The following ATR variants were observed in gnomAD, a reference collection of about 807,000 sequenced individuals.
ATR encodes the protein serine/threonine-protein kinase ATR.
In ATR, 142 loss-of-function variants were observed where a neutral mutation model predicts 305.3. That is an observed-to-expected ratio of 0.47 (90% CI 0.41 to 0.53). The LOEUF (loss-of-function observed/expected upper bound fraction) is 0.53. Ranked by LOEUF, ATR falls within the 20% of genes least tolerant of loss-of-function variation. The pLI is 0.00. For synonymous variants in ATR, 1,050 were observed against 1,068.1 expected (o/e 0.98, Z 0.33); for missense variants, 2,135 against 3,133.1 (o/e 0.68, Z 7.60).
intron 17 of ATR, among the ~76,000 whole-genome samples, chr3:142,542,219 T>C (rs561284933): frequency 3.2e-3 from 481 of 152,276 alleles, no homozygotes; most frequent in South Asian, 6.6e-3. Context: ...CAACTTTTGT[T>C]TGAGCTTTCA....
intron 46 of ATR, 78 bp downstream of exon 46, chr3:142,453,050 T>C: frequency 6.3e-7 from 1 of 1,597,798 alleles, no homozygotes; most frequent in Admixed American, 1.7e-5. Context: ...TGCATAGAGA[T>C]GAGAACTATA....
At chr3:142,482,190 T>C (rs1253621133) in intron 36 of ATR, among the ~76,000 whole-genome samples, 2 of 152,092 alleles carry the variant, frequency 1.3e-5, no homozygotes, top group Non-Finnish European at 2.9e-5. Flanking sequence ...GTACTTAAGG[T>C]TTCTAACCCT....
At chr3:142,469,591 A>G in intron 37 of ATR, 22 bp from the exon 38 acceptor site, 1 of 1,576,132 alleles carries the variant, frequency 6.3e-7, no homozygotes, top group African/African-American at 1.3e-5. Context: ...AATAAGTTTA[A>G]AAAACAATAA....
At chr3:142,461,449 G>T (rs1184309740) in intron 42 of ATR, among the ~76,000 whole-genome samples, 4 of 151,880 alleles carry the variant, frequency 2.6e-5, no homozygotes, top group Non-Finnish European at 5.9e-5. Context: ...TTATTCCATG[G>T]GTTATAATAG....
chr3:142,516,970 TCTTATACCCA>T (rs2032890132), intron 24 of ATR, among the ~76,000 whole-genome samples: 6 of 139,428 alleles, frequency 4.3e-5, no homozygotes, highest in Admixed American at 3.6e-4. Flanking sequence ...ATACCCAAAG[TCTTATACCCA>T]AATAATATAT....
intron 46 of ATR, chr3:142,450,289 G>T: frequency 1.2e-6 from 1 of 850,224 alleles, no homozygotes; most frequent in Non-Finnish European, 1.9e-6. Context: ...TTGCAAACCA[G>T]CTGCCGCTTA....
At chr3:142,568,251 G>T in intron 1 of ATR, 97 bp from the exon 2 acceptor site, 1 of 871,966 alleles carries the variant, frequency 1.1e-6, no homozygotes, top group Non-Finnish European at 1.9e-6. Flanking sequence ...TGTGTTCAGT[G>T]TCAATGTTGA....
At chr3:142,565,044 G>A (rs149693788) in intron 3 of ATR, among the ~76,000 whole-genome samples, 1,639 of 152,202 alleles carry the variant, frequency 0.011, 16 homozygotes, top group African/African-American at 0.031. Context: ...ATCGTGCCCA[G>A]CCTATGATAT....
At chr3:142,501,573 AAAAC>A (rs1317688762) in intron 30 of ATR, among the ~76,000 whole-genome samples, 3 of 152,350 alleles carry the variant, frequency 2.0e-5, no homozygotes, top group African/African-American at 7.2e-5. Flanking sequence ...AACAAGCAAA[AAAAC>A]AAACAACCCC....
In ATR at chr3:142,457,775, A is replaced by C; in HGVS notation, c.7504-20T>G. On this transcript the variant is annotated intron_variant, in intron 44 of 46. Coordinates refer to ENST00000350721, the MANE Select transcript of ATR (RefSeq NM_001184.4). The stretch of plus-strand genomic sequence containing the variant: ...TTCTCCCTTAGAAACAATACATTTT[A>C]TTACAAACTAACAATGTTAGAATTT... The C allele has an allele frequency of 6.2e-7, 1 of 1,612,256 alleles. No homozygotes were observed. Among genetic ancestry groups the C allele is most frequent in the Non-Finnish European group, 8.5e-7 (1 of 1,178,624 alleles).
intron 24 of ATR, among the ~76,000 whole-genome samples, chr3:142,517,910 A>C (rs1203192375): frequency 6.6e-6 from 1 of 152,264 alleles, no homozygotes; most frequent in Non-Finnish European, 1.5e-5. Context: ...TTTGCTAAGT[A>C]CTTTTAATAT....
chr3:142,522,915 T>A lies in ATR; in HGVS notation c.4153-74A>T, dbSNP rs1474288913. ...TTTCTTAGGTGTACTGCTTTTTCCA[T>A]GGTGAATTTAACTTAACTGCGTAAG... is the stretch of plus-strand genomic sequence containing the variant. On this transcript the variant is annotated intron_variant, in intron 22 of 46. Coordinates refer to ENST00000350721, the MANE Select transcript of ATR (RefSeq NM_001184.4). The A allele has an allele frequency of 4.4e-6, 5 of 1,145,438 alleles. No homozygotes were observed. The Admixed American group carries it at 8.7e-5, about 20-fold the overall frequency. 71.0% of individuals were successfully genotyped at this position (1,145,438 alleles called of 1,614,324 possible).
chr3:142,496,235 A>C, intron 34 of ATR, 126 bp downstream of exon 34: 1 of 220,222 alleles, frequency 4.5e-6, no homozygotes, highest in African/African-American at 2.6e-5. Flanking sequence ...TGGATTAGTT[A>C]TGTTCTCTCA....
chr3:142,569,938 C>A (rs2035209643), intron 1 of ATR, among the ~76,000 whole-genome samples: 1 of 152,176 alleles, frequency 6.6e-6, no homozygotes, highest in Non-Finnish European at 1.5e-5. Context: ...AGCCAACATG[C>A]CCAGCCCCAA....
chr3:142,552,291 T>C (rs1476408220), intron 13 of ATR, among the ~76,000 whole-genome samples: 1 of 151,924 alleles, frequency 6.6e-6, no homozygotes, highest in East Asian at 1.9e-4. Flanking sequence ...CTACTGGGTA[T>C]ATACCCAAAG....
At chr3:142,563,478 T>C (rs1180615129) in intron 3 of ATR, among the ~76,000 whole-genome samples, 1 of 152,214 alleles carries the variant, frequency 6.6e-6, no homozygotes, top group Non-Finnish European at 1.5e-5. Flanking sequence ...CAGTGACGTT[T>C]GATGTTACTA....
At chr3:142,486,981 A>AC (rs1491510305) in intron 35 of ATR, among the ~76,000 whole-genome samples, 2 of 145,258 alleles carry the variant, frequency 1.4e-5, no homozygotes, top group Non-Finnish European at 3.0e-5. Context: ...AAAAAAAAAA[A>AC]CAATTAGCCG....
chr3:142,526,570 C>T lies in ATR; in HGVS notation c.3946-2371G>A, dbSNP rs1049184250. 2.6e-5 allele frequency among the ~76,000 whole-genome samples: 4 copies of T among 151,810 alleles called. No homozygotes were observed. In the South Asian group the frequency reaches 6.3e-4, roughly 24 times the overall value. On this transcript the variant is annotated intron_variant, in intron 21 of 46. Transcript: ENST00000350721. ...ATGCATACATATATGTACACATATA[C>T]ATTAAGATAATATTCATCAATTTCT...
chr3:142,567,662 G>C (rs985248552), intron 2 of ATR, among the ~76,000 whole-genome samples: 2 of 152,106 alleles, frequency 1.3e-5, no homozygotes. Flanking sequence ...ATCTCCTATA[G>C]GCACAGGCAT....
Sources: allele counts gnomAD v4.1 joint callset (sites outside exome capture counted in the v4.1 genomes callset), GRCh38; gene constraint gnomAD v4.1.1; transcripts MANE v1.5; gene names NCBI Gene and HGNC (gene_info 2026-07-23, HGNC 2026-07-21).